Variants in RPS6KC1 observed in about 807,000 individuals in gnomAD.
RPS6KC1 encodes inactive ribosomal protein S6 kinase delta-1.
A neutral mutation model predicts 103.8 loss-of-function variants in RPS6KC1; 54 were observed. That is an observed-to-expected ratio of 0.52 (90% CI 0.42 to 0.65). The LOEUF (loss-of-function observed/expected upper bound fraction) is 0.65. Ranked by LOEUF, RPS6KC1 falls within the 30% of genes least tolerant of loss-of-function variation. RPS6KC1 has a pLI of 0.00. For missense variants in RPS6KC1, 1,151 were observed against 1,253.8 expected, an observed-to-expected ratio of 0.92 and a Z score of 1.24; for synonymous variants, 439 against 438.7, an observed-to-expected ratio of 1.00 and a Z score of -0.01.
chr1:213,214,384 C>T (rs972535618), intron 8 of RPS6KC1, among the ~76,000 whole-genome samples: 12 of 152,188 alleles, frequency 7.9e-5, no homozygotes, highest in Admixed American at 5.2e-4. Context: ...CTGGGAAGCT[C>T]GAAATGGGTG....
chr1:213,421,040 T>G, the RPS6KC1 span, among the ~76,000 whole-genome samples: 7,315 of 152,336 alleles, frequency 0.048, 199 homozygotes, highest in Middle Eastern at 0.061. Flanking sequence ...TTTCACTTAG[T>G]CACCTCTTTA....
chr1:213,202,870 T>G (rs183905066), intron 8 of RPS6KC1, among the ~76,000 whole-genome samples: 57 of 152,340 alleles, frequency 3.7e-4, no homozygotes, highest in African/African-American at 1.3e-3. Flanking sequence ...ATTATTACGC[T>G]ATTCTAAATG....
At position 213,230,477 on chromosome 1, in the gene RPS6KC1, T is replaced by A. The variant is rs768686544; in HGVS notation, c.1045-20T>A. On this transcript the variant is annotated intron_variant, in intron 8 of 14. Coordinates refer to ENST00000366960, the MANE Select transcript of RPS6KC1 (RefSeq NM_012424.6). ...TTTCATTGTATTGTTAATAAATTAT[T>A]ACTCGTGTCTTTTATGTAGGTTTTA... 46 of 1,548,058 alleles carry A rather than the reference T, an allele frequency of 3.0e-5. No homozygotes were observed. Among genetic ancestry groups the A allele is most frequent in the Non-Finnish European group, 4.0e-5 (45 of 1,126,172 alleles).
intron 8 of RPS6KC1, among the ~76,000 whole-genome samples, chr1:213,185,009 A>G (rs2092458418): frequency 6.6e-6 from 1 of 152,160 alleles, no homozygotes; most frequent in Admixed American, 6.5e-5. Flanking sequence ...TATTAGATTT[A>G]GTGTGTAGTT....
At chr1:213,157,005 T>G (rs994748253) in intron 6 of RPS6KC1, among the ~76,000 whole-genome samples, 5 of 152,304 alleles carry the variant, frequency 3.3e-5, no homozygotes, top group African/African-American at 9.6e-5. Flanking sequence ...GCTTAGGTTA[T>G]CAATTTGATA....
the RPS6KC1 span, among the ~76,000 whole-genome samples, chr1:213,790,456 A>C: frequency 6.6e-6 from 1 of 152,282 alleles, no homozygotes; most frequent in South Asian, 2.1e-4. Context: ...TGCAGTCAGA[A>C]AAAACTATGG....
intron 1 of RPS6KC1, among the ~76,000 whole-genome samples, chr1:213,060,060 C>T (rs958703473): frequency 2.6e-5 from 4 of 152,072 alleles, no homozygotes; most frequent in Non-Finnish European, 2.9e-5. Context: ...TCAGGTGATC[C>T]GCCCACCTCA....
At chr1:213,686,178 C>T in the RPS6KC1 span, among the ~76,000 whole-genome samples, 1 of 152,232 alleles carries the variant, frequency 6.6e-6, no homozygotes. Context: ...ATAAGATCAG[C>T]TTGGGACATT....
At chr1:213,780,972 A>G in the RPS6KC1 span, among the ~76,000 whole-genome samples, 1 of 152,204 alleles carries the variant, frequency 6.6e-6, no homozygotes, top group Non-Finnish European at 1.5e-5. Context: ...TCAGTGAATC[A>G]AGATCATGCC....
the RPS6KC1 span, among the ~76,000 whole-genome samples, chr1:213,343,440 T>TATATATATATATAC: frequency 1.2e-4 from 10 of 80,412 alleles, no homozygotes; most frequent in African/African-American, 4.9e-4. Context: ...TATATATATA[T>TATATATATATATAC]ACATACCATG....
chr1:213,813,963 G>A, the RPS6KC1 span, among the ~76,000 whole-genome samples: 4 of 152,328 alleles, frequency 2.6e-5, no homozygotes, highest in South Asian at 6.2e-4. Context: ...CTCAGAGCAG[G>A]AAGCTGGGAC....
At chr1:213,246,918 T>A (rs886836492) in intron 12 of RPS6KC1, among the ~76,000 whole-genome samples, 23 of 152,216 alleles carry the variant, frequency 1.5e-4, no homozygotes, top group African/African-American at 5.5e-4. Flanking sequence ...AAATGATATT[T>A]GAAAGCTTAA....
chr1:213,376,701 G>C, the RPS6KC1 span, among the ~76,000 whole-genome samples: 9 of 152,144 alleles, frequency 5.9e-5, no homozygotes, highest in Non-Finnish European at 1.0e-4. Flanking sequence ...AGACAATTAG[G>C]GGGTCCCCTG....
At chr1:213,715,823 C>A in the RPS6KC1 span, among the ~76,000 whole-genome samples, 1 of 152,208 alleles carries the variant, frequency 6.6e-6, no homozygotes, top group Admixed American at 6.5e-5. Context: ...GCCATTCATT[C>A]TCCCTGTGAG....
chr1:213,839,397 C>T, the RPS6KC1 span, among the ~76,000 whole-genome samples: 3 of 152,142 alleles, frequency 2.0e-5, no homozygotes, highest in Admixed American at 1.3e-4. Flanking sequence ...CCAAACACTC[C>T]GATGAGTTTC....
At chr1:213,069,145 CCA>C (rs1401280597) in intron 1 of RPS6KC1, among the ~76,000 whole-genome samples, 2 of 152,038 alleles carry the variant, frequency 1.3e-5, no homozygotes, top group Non-Finnish European at 2.9e-5. Flanking sequence ...GGCTCAGTAG[CCA>C]CACACATGTG....
chr1:213,676,014 C>T, the RPS6KC1 span, among the ~76,000 whole-genome samples: 4 of 152,168 alleles, frequency 2.6e-5, no homozygotes, highest in Non-Finnish European at 5.9e-5. Context: ...TTCTACCTTC[C>T]CCTGTAGCTT....
the RPS6KC1 span, among the ~76,000 whole-genome samples, chr1:213,633,290 G>C: frequency 1.3e-5 from 2 of 152,186 alleles, no homozygotes; most frequent in African/African-American, 4.8e-5. Flanking sequence ...GTTAAGGACA[G>C]CCAGAGAGAA....
At chr1:213,784,609 C>A in the RPS6KC1 span, among the ~76,000 whole-genome samples, 3 of 152,164 alleles carry the variant, frequency 2.0e-5, no homozygotes, top group African/African-American at 7.2e-5. Context: ...GGTTGCACAG[C>A]AAGTATGTGG....
Sources: allele counts gnomAD v4.1 joint callset (sites outside exome capture counted in the v4.1 genomes callset), GRCh38; gene constraint gnomAD v4.1.1; transcripts MANE v1.5; gene names NCBI Gene and HGNC (gene_info 2026-07-23, HGNC 2026-07-21).